The following CRPPA variants were observed in gnomAD, a reference collection of about 807,000 sequenced individuals.
CRPPA encodes CDP-L-ribitol pyrophosphorylase A.
In CRPPA, 43 loss-of-function variants were observed where a neutral mutation model predicts 52.0. That is an observed-to-expected ratio of 0.83 (90% CI 0.65 to 1.07). The LOEUF (loss-of-function observed/expected upper bound fraction) is 1.07, where lower values mean the gene tolerates loss of function less well. Among genes scored for constraint, CRPPA ranks in the 50% least tolerant of loss-of-function variants. The probability of loss-of-function intolerance (pLI) is 0.00; values close to 1 mark genes in which losing one functional copy is unlikely to be tolerated. For synonymous variants in CRPPA, 250 were observed against 203.5 expected, an observed-to-expected ratio of 1.23 and a Z score of -1.94; for missense variants, 629 against 551.7, an observed-to-expected ratio of 1.14 and a Z score of -1.40.
At chr7:16,100,657 T>A (rs1045421035) in intron 9 of CRPPA, among the ~76,000 whole-genome samples, 1 of 152,218 alleles carries the variant, frequency 6.6e-6, no homozygotes, top group Non-Finnish European at 1.5e-5. Context: ...TTCCCTTGCC[T>A]GATTGCCCTG....
intron 5 of CRPPA, among the ~76,000 whole-genome samples, chr7:16,280,897 G>A (rs1784307193): frequency 6.6e-6 from 1 of 152,042 alleles, no homozygotes; most frequent in South Asian, 2.1e-4. Context: ...GTGCACTCCT[G>A]TAGTCCCAGC....
intron 1 of CRPPA, among the ~76,000 whole-genome samples, chr7:16,414,581 A>T (rs1428259709): frequency 6.6e-6 from 1 of 152,180 alleles, no homozygotes; most frequent in Admixed American, 6.5e-5. Context: ...TGCCAATAAC[A>T]CCATTGTCAT....
rs1455923316 is a variant in CRPPA, at chr7:16,134,088, C to A, written c.1252-42289G>T. On this transcript the variant is annotated intron_variant, in intron 9 of 9. Coordinates refer to ENST00000407010, the MANE Select transcript of CRPPA (RefSeq NM_001101426.4). ...CTGGGACTACAGGCGCCCGCCACCACGCCCGGCTAATTTTTTGTATTTTTA... is the reference window on the plus strand; with the variant it reads ...CTGGGACTACAGGCGCCCGCCACCAAGCCCGGCTAATTTTTTGTATTTTTA... Among the ~76,000 whole-genome samples, 4 of 123,844 alleles carry A rather than the reference C, an allele frequency of 3.2e-5. 1 individual carries two copies. Among genetic ancestry groups the A allele is most frequent in the Admixed American group, 2.4e-4 (3 of 12,346 alleles). 81.2% of individuals were successfully genotyped at this position (123,844 alleles called of 152,430 possible). A position where few individuals can be genotyped will look rare whatever the true frequency, so the allele number is the denominator to read the frequency against.
intron 9 of CRPPA, among the ~76,000 whole-genome samples, chr7:16,176,413 T>C (rs1781297309): frequency 6.6e-6 from 1 of 152,088 alleles, no homozygotes; most frequent in Non-Finnish European, 1.5e-5. Context: ...AACAAGGACA[T>C]AAAGAGATGT....
chr7:16,284,414 A>C (rs565642903), intron 5 of CRPPA, among the ~76,000 whole-genome samples: 35 of 152,242 alleles, frequency 2.3e-4, no homozygotes, highest in African/African-American at 8.2e-4. Context: ...ACAAGAAAAC[A>C]CCTAATAGAT....
chr7:16,306,401 C>T (rs984120943), intron 4 of CRPPA, among the ~76,000 whole-genome samples: 1 of 152,184 alleles, frequency 6.6e-6, no homozygotes, highest in Non-Finnish European at 1.5e-5. Flanking sequence ...TCAAGATGTA[C>T]CTGAGGACTA....
chr7:16,211,059 T>C (rs1308850451), intron 9 of CRPPA, among the ~76,000 whole-genome samples: 3 of 152,188 alleles, frequency 2.0e-5, no homozygotes, highest in African/African-American at 7.2e-5. Context: ...TTACACATGA[T>C]GTGAATGGAT....
chr7:16,231,261 A>C (rs1027591003), intron 8 of CRPPA, among the ~76,000 whole-genome samples: 5 of 152,130 alleles, frequency 3.3e-5, no homozygotes, highest in African/African-American at 4.8e-5. Flanking sequence ...TGCTACAGCT[A>C]GGTACTGAAA....
intron 9 of CRPPA, among the ~76,000 whole-genome samples, chr7:16,162,994 G>A (rs1250896900): frequency 2.2e-5 from 2 of 90,198 alleles, no homozygotes; most frequent in African/African-American, 7.6e-5. Context: ...TTTTTTTTGA[G>A]ACGGAGTCTC....
intron 2 of CRPPA, among the ~76,000 whole-genome samples, chr7:16,397,516 A>G (rs1313910974): frequency 6.6e-6 from 1 of 151,818 alleles, no homozygotes; most frequent in Non-Finnish European, 1.5e-5. Flanking sequence ...ACATGTGAAC[A>G]TGTGACATGA....
intron 9 of CRPPA, among the ~76,000 whole-genome samples, chr7:16,136,176 C>T (rs1029738456): frequency 2.0e-5 from 3 of 152,142 alleles, no homozygotes; most frequent in African/African-American, 7.2e-5. Context: ...TCATAATTCA[C>T]TTTGACCACA....
chr7:16,373,256 A>G (rs2128311511), intron 3 of CRPPA, among the ~76,000 whole-genome samples: 1 of 152,248 alleles, frequency 6.6e-6, no homozygotes, highest in African/African-American at 2.4e-5. Context: ...AGACTGTACC[A>G]TTGCAGTCTA....
At chr7:16,355,643 C>G (rs1194420543) in intron 3 of CRPPA, among the ~76,000 whole-genome samples, 1 of 152,182 alleles carries the variant, frequency 6.6e-6, no homozygotes, top group African/African-American at 2.4e-5. Flanking sequence ...AAATTAAAGT[C>G]TGTGACCATT....
intron 9 of CRPPA, among the ~76,000 whole-genome samples, chr7:16,132,014 C>A (rs1782690126): frequency 6.6e-6 from 1 of 152,168 alleles, no homozygotes; most frequent in African/African-American, 2.4e-5. Flanking sequence ...CTGCAAACAG[C>A]TTCCATTAGG....
At chr7:16,284,722 A>G (rs1487223067) in intron 5 of CRPPA, among the ~76,000 whole-genome samples, 4 of 152,128 alleles carry the variant, frequency 2.6e-5, no homozygotes, top group Non-Finnish European at 5.9e-5. Context: ...CATTGTTTAC[A>G]TCTTAGTTTA....
intron 3 of CRPPA, among the ~76,000 whole-genome samples, chr7:16,375,705 T>A (rs1194820118): frequency 6.6e-6 from 1 of 152,134 alleles, no homozygotes; most frequent in Non-Finnish European, 1.5e-5. Flanking sequence ...CTTCTGGAAA[T>A]CTGGAATTTT....
At chr7:16,293,622 T>C (rs1013646922) in intron 5 of CRPPA, among the ~76,000 whole-genome samples, 15 of 151,832 alleles carry the variant, frequency 9.9e-5, no homozygotes, top group African/African-American at 3.6e-4. Flanking sequence ...ACAATATAAA[T>C]GGACGGAGAC....
At chr7:16,194,059 A>G (rs1007251566) in intron 9 of CRPPA, among the ~76,000 whole-genome samples, 1 of 152,140 alleles carries the variant, frequency 6.6e-6, no homozygotes, top group Non-Finnish European at 1.5e-5. Flanking sequence ...AATTAAACAC[A>G]CTTACCTAAG....
intron 9 of CRPPA, among the ~76,000 whole-genome samples, chr7:16,160,869 G>T (rs539539414): frequency 1.3e-5 from 2 of 152,180 alleles, no homozygotes; most frequent in South Asian, 4.2e-4. Flanking sequence ...CCTTGAAGAG[G>T]TCCTTCACAT....
Sources: allele counts gnomAD v4.1 joint callset (sites outside exome capture counted in the v4.1 genomes callset), GRCh38; gene constraint gnomAD v4.1.1; transcripts MANE v1.5; gene names NCBI Gene and HGNC (gene_info 2026-07-23, HGNC 2026-07-21).